The following SARNP variants were observed in gnomAD, a reference collection of about 807,000 sequenced individuals.
SARNP encodes the protein SAP domain-containing ribonucleoprotein.
SARNP carries 5 observed loss-of-function variants against 38.1 expected under a neutral mutation model. The observed-to-expected ratio is 0.13, with a 90% CI of 0.07 to 0.28. The LOEUF (loss-of-function observed/expected upper bound fraction) is 0.28, where lower values mean the gene tolerates loss of function less well. Ranked by LOEUF, SARNP falls within the 10% of genes least tolerant of loss-of-function variation. The pLI is 1.00. For synonymous variants in SARNP, 84 were observed against 80.6 expected, an observed-to-expected ratio of 1.04 and a Z score of -0.23; for missense variants, 180 against 243.9, an observed-to-expected ratio of 0.74 and a Z score of 1.75.
intron 9 of SARNP, among the ~76,000 whole-genome samples, chr12:55,765,921 G>A (rs1016477797): frequency 2.6e-5 from 4 of 152,028 alleles, no homozygotes; most frequent in Admixed American, 6.6e-5. Flanking sequence ...CTAGCGTGAC[G>A]GTGTTGCATG....
intron 2 of SARNP, among the ~76,000 whole-genome samples, chr12:55,802,430 A>C (rs1472247722): frequency 1.3e-5 from 2 of 151,958 alleles, no homozygotes; most frequent in Admixed American, 1.3e-4. Flanking sequence ...AATGCTCCTA[A>C]ATCTAAAACT....
chr12:55,790,969 T>C (rs911513360), intron 7 of SARNP, among the ~76,000 whole-genome samples: 5 of 152,218 alleles, frequency 3.3e-5, no homozygotes, highest in African/African-American at 1.2e-4. Context: ...GATGACTGGC[T>C]AAATTAAGTA....
chr12:55,768,770 C>T (rs1878921882), intron 9 of SARNP, among the ~76,000 whole-genome samples: 1 of 151,634 alleles, frequency 6.6e-6, no homozygotes, highest in Non-Finnish European at 1.5e-5. Context: ...GTTGCCCAGG[C>T]TGCAGTGCAA....
intron 1 of SARNP, among the ~76,000 whole-genome samples, chr12:55,814,159 G>C (rs2136209986): frequency 6.6e-6 from 1 of 152,168 alleles, no homozygotes; most frequent in East Asian, 1.9e-4. Context: ...TTTAAGCAGG[G>C]GAATGACTCC....
chr12:55,790,508 A>G, intron 8 of SARNP, 59 bp downstream of exon 8: 1 of 1,518,072 alleles, frequency 6.6e-7, no homozygotes, highest in Non-Finnish European at 8.8e-7. Flanking sequence ...AGGAGTCTCT[A>G]AAGTTAGCTA....
Position 55,772,712 on chromosome 12 carries a change from CT to C in SARNP, c.502-12073del, listed in dbSNP as rs11428581. On this transcript the variant is annotated intron_variant, in intron 9 of 10. Transcript: ENST00000336133. ...AGAAGTCAGTAGAGGGAAGCTGAAA[CT>C]TTTTTTTTTTTTTTTTTTGAGACAG... is the stretch of plus-strand genomic sequence containing the variant. 4.1e-3 allele frequency among the ~76,000 whole-genome samples: 529 copies of C among 130,252 alleles called. 3 individuals are homozygous for C. Among genetic ancestry groups the C allele is most frequent in the South Asian group, 0.012 (47 of 4,086 alleles). 85.5% of individuals were successfully genotyped at this position (130,252 alleles called of 152,430 possible).
At chr12:55,810,776 C>T (rs969452024) in intron 1 of SARNP, among the ~76,000 whole-genome samples, 2 of 150,808 alleles carry the variant, frequency 1.3e-5, no homozygotes, top group Admixed American at 1.3e-4. Flanking sequence ...AATATTTTAT[C>T]AGAAATCTTT....
chr12:55,816,538 G>C (rs1376297505), intron 1 of SARNP, among the ~76,000 whole-genome samples: 2 of 152,048 alleles, frequency 1.3e-5, no homozygotes, highest in African/African-American at 4.8e-5. Context: ...ACTAATAAGT[G>C]ACTAAAGAAG....
chr12:55,791,102 T>C (rs552183939), intron 7 of SARNP, among the ~76,000 whole-genome samples: 1 of 152,230 alleles, frequency 6.6e-6, no homozygotes, highest in East Asian at 1.9e-4. Flanking sequence ...GACAATACAC[T>C]ATACGCACTA....
intron 9 of SARNP, among the ~76,000 whole-genome samples, chr12:55,777,607 C>T (rs1029711361): frequency 6.6e-6 from 1 of 152,122 alleles, no homozygotes; most frequent in Non-Finnish European, 1.5e-5. Context: ...ATCTCCTGAC[C>T]TCATGATCCA....
chr12:55,813,069 C>T (rs936237170), intron 1 of SARNP, among the ~76,000 whole-genome samples: 1 of 152,102 alleles, frequency 6.6e-6, no homozygotes, highest in African/African-American at 2.4e-5. Context: ...TCTCAGCCTC[C>T]CGAGTAGCTG....
At chr12:55,795,016 G>A (rs528246564) in intron 5 of SARNP, 136 bp from the exon 6 acceptor site, 34 of 566,142 alleles carry the variant, frequency 6.0e-5, no homozygotes, top group Non-Finnish European at 1.0e-4. Flanking sequence ...CTGGAGTGCA[G>A]TGGCATGATC....
At chr12:55,802,919 C>T (rs777787078) in intron 2 of SARNP, among the ~76,000 whole-genome samples, 7 of 142,894 alleles carry the variant, frequency 4.9e-5, no homozygotes, top group African/African-American at 1.0e-4. Context: ...CACATGGACG[C>T]ATCTTTAAAA....
chr12:55,814,068 G>A (rs1046261593), intron 1 of SARNP, among the ~76,000 whole-genome samples: 1 of 152,194 alleles, frequency 6.6e-6, no homozygotes, highest in Non-Finnish European at 1.5e-5. Flanking sequence ...GCATTCTGAA[G>A]AAATTAAATA....
At chr12:55,782,402 G>A (rs1879365751) in intron 9 of SARNP, among the ~76,000 whole-genome samples, 1 of 152,100 alleles carries the variant, frequency 6.6e-6, no homozygotes, top group Admixed American at 6.5e-5. Context: ...AAAGTATGAA[G>A]TTTCTCCTTT....
intron 4 of SARNP, 89 bp from the exon 5 acceptor site, chr12:55,796,165 T>A: frequency 1.1e-6 from 1 of 896,848 alleles, no homozygotes; most frequent in Non-Finnish European, 1.8e-6. Flanking sequence ...TGAGTCACCA[T>A]TCTCTGCCCT....
intron 7 of SARNP, among the ~76,000 whole-genome samples, chr12:55,791,568 A>G (rs914841810): frequency 6.6e-6 from 1 of 152,028 alleles, no homozygotes; most frequent in Non-Finnish European, 1.5e-5. Context: ...GGTGGCGTAC[A>G]CCTGTAGTCC....
intron 1 of SARNP, among the ~76,000 whole-genome samples, chr12:55,813,627 C>A (rs1405755311): frequency 6.7e-6 from 1 of 150,110 alleles, no homozygotes; most frequent in Non-Finnish European, 1.5e-5. Context: ...TCACCGCAAC[C>A]TCCACCTACG....
At chr12:55,791,708 A>G (rs1052679482) in intron 7 of SARNP, among the ~76,000 whole-genome samples, 1 of 152,116 alleles carries the variant, frequency 6.6e-6, no homozygotes, top group Non-Finnish European at 1.5e-5. Flanking sequence ...AAAGAAAAAA[A>G]GAAAAAAAGA....
Sources: allele counts gnomAD v4.1 joint callset (sites outside exome capture counted in the v4.1 genomes callset), GRCh38; gene constraint gnomAD v4.1.1; transcripts MANE v1.5; gene names NCBI Gene and HGNC (gene_info 2026-07-23, HGNC 2026-07-21).